The following CNTLN variants were observed in gnomAD, a reference collection of about 807,000 sequenced individuals.
CNTLN encodes centlein, centrosomal protein.
Under a neutral mutation model 180.0 loss-of-function variants are expected in CNTLN, and 212 were observed. The observed-to-expected ratio is 1.18, with a 90% CI of 1.05 to 1.32. The LOEUF (loss-of-function observed/expected upper bound fraction) is 1.32. Among genes scored for constraint, CNTLN ranks in the 40% most tolerant of loss-of-function variants. The pLI is 0.00. For synonymous variants in CNTLN, 722 were observed against 563.1 expected (o/e 1.28, Z -3.99); for missense variants, 2,095 against 1,610.9 (o/e 1.30, Z -5.14).
chr9:17,300,321 G>A (rs1283813488), intron 7 of CNTLN: 1 of 152,070 alleles, frequency 6.6e-6, no homozygotes, highest in Non-Finnish European at 1.5e-5. Flanking sequence ...ATAGGCTGAT[G>A]ATTCCCAAAT....
intron 12 of CNTLN, among the ~76,000 whole-genome samples, chr9:17,359,717 T>TAAAAAAAAAA (rs1456379699): frequency 0.023 from 304 of 13,430 alleles, 36 homozygotes; most frequent in South Asian, 0.034. Context: ...CCGTCTATAC[T>TAAAAAAAAAA]AAAAATACAA....
intron 10 of CNTLN, 126 bp from the exon 11 acceptor site, chr9:17,340,701 A>G: frequency 1.5e-6 from 1 of 672,222 alleles, no homozygotes; most frequent in Admixed American, 4.0e-5. Flanking sequence ...TACATATTAC[A>G]GATTCATTTA....
chr9:17,169,672 T>C (rs114858798), intron 2 of CNTLN, among the ~76,000 whole-genome samples: 2,038 of 152,320 alleles, frequency 0.013, 47 homozygotes, highest in African/African-American at 0.047. Flanking sequence ...TTGCACATTG[T>C]GTATTCTTGG....
intron 5 of CNTLN, among the ~76,000 whole-genome samples, chr9:17,268,545 G>C (rs762477537): frequency 9.9e-5 from 15 of 152,280 alleles, no homozygotes; most frequent in Non-Finnish European, 1.6e-4. Context: ...CGTGCTGCGA[G>C]AACCACTACT....
intron 2 of CNTLN, among the ~76,000 whole-genome samples, chr9:17,176,118 G>A (rs896492768): frequency 7.9e-5 from 12 of 151,646 alleles, no homozygotes; most frequent in African/African-American, 2.9e-4. Context: ...TTATTGTGTT[G>A]GCTATATTTT....
rs1230929733 is a variant in CNTLN at position 17,137,293 on chromosome 9, A to C, written c.360+1868A>C. Among the ~76,000 whole-genome samples, 23 of 152,206 alleles carry C rather than the reference A, an allele frequency of 1.5e-4. 1 individual carries two copies. The highest frequency in any genetic ancestry group is 1.5e-3 in the Admixed American group (23 of 15,264). ...TCCCGCACCATAAAAATCTTAGTCA[A>C]ATCAGACTCCTGCTCTTCGGGAATC... On this transcript the variant is annotated intron_variant, in intron 1 of 25. Coordinates refer to ENST00000380647, the MANE Select transcript of CNTLN (RefSeq NM_017738.4).
intron 8 of CNTLN, among the ~76,000 whole-genome samples, chr9:17,321,353 GT>G (rs1396053169): frequency 6.6e-6 from 1 of 152,058 alleles, no homozygotes; most frequent in Non-Finnish European, 1.5e-5. Flanking sequence ...AAACTTAATT[GT>G]TTTCCTTGTG....
intron 12 of CNTLN, among the ~76,000 whole-genome samples, chr9:17,342,828 A>G (rs190217505): frequency 7.9e-5 from 12 of 152,324 alleles, no homozygotes; most frequent in African/African-American, 2.6e-4. Context: ...GCAATGCAGA[A>G]TGCCTGAGCT....
intron 1 of CNTLN, among the ~76,000 whole-genome samples, chr9:17,137,023 G>A (rs1174475553): frequency 6.6e-6 from 1 of 152,064 alleles, no homozygotes. Context: ...TTTTATGACC[G>A]ACTTGGTTAA....
chr9:17,353,634 C>G (rs188798264), intron 12 of CNTLN, among the ~76,000 whole-genome samples: 471 of 146,806 alleles, frequency 3.2e-3, no homozygotes, highest in Admixed American at 7.5e-3. Flanking sequence ...GGGTCTTGCT[C>G]TGTTGCCCAG....
At chr9:17,474,154 A>G (rs899407223) in intron 23 of CNTLN, among the ~76,000 whole-genome samples, 1 of 152,096 alleles carries the variant, frequency 6.6e-6, no homozygotes, top group Non-Finnish European at 1.5e-5. Flanking sequence ...ACTCCCTAAT[A>G]TATATCTGTT....
chr9:17,190,275 C>A (rs1316347822), intron 2 of CNTLN, among the ~76,000 whole-genome samples: 1 of 151,396 alleles, frequency 6.6e-6, no homozygotes, highest in African/African-American at 2.4e-5. Flanking sequence ...GTACAGTTTT[C>A]AAGGTTTTTT....
intron 2 of CNTLN, among the ~76,000 whole-genome samples, chr9:17,148,846 G>A (rs772321183): frequency 2.0e-5 from 3 of 152,050 alleles, no homozygotes; most frequent in Non-Finnish European, 4.4e-5. Flanking sequence ...TATACTTTAA[G>A]TTCTGGGTTA....
intron 6 of CNTLN, among the ~76,000 whole-genome samples, 194 bp from the exon 7 acceptor site, chr9:17,297,996 C>T (rs1427180198): frequency 6.6e-6 from 1 of 151,984 alleles, no homozygotes; most frequent in South Asian, 2.1e-4. Flanking sequence ...AAGTCATAGT[C>T]GTTGTATCAA....
At chr9:17,329,288 A>T (rs1040263311) in intron 8 of CNTLN, among the ~76,000 whole-genome samples, 1 of 152,104 alleles carries the variant, frequency 6.6e-6, no homozygotes, top group South Asian at 2.1e-4. Flanking sequence ...AGCCCAACCA[A>T]AGGAAATATT....
At chr9:17,153,570 T>C (rs1005406374) in intron 2 of CNTLN, among the ~76,000 whole-genome samples, 1 of 152,224 alleles carries the variant, frequency 6.6e-6, no homozygotes, top group Non-Finnish European at 1.5e-5. Flanking sequence ...ACCCAATCTT[T>C]CTTACTGCCC....
chr9:17,261,027 G>T (rs1055165413), intron 5 of CNTLN, among the ~76,000 whole-genome samples: 3 of 151,272 alleles, frequency 2.0e-5, no homozygotes, highest in Non-Finnish European at 2.9e-5. Context: ...TGTTCCATTG[G>T]TCTCTGTGTC....
intron 2 of CNTLN, among the ~76,000 whole-genome samples, chr9:17,214,476 C>G (rs1413237696): frequency 2.0e-5 from 3 of 152,186 alleles, no homozygotes; most frequent in Non-Finnish European, 4.4e-5. Context: ...TTCTCTCTGG[C>G]TGCCCTTAAT....
chr9:17,308,870 A>G (rs1818924389), intron 7 of CNTLN, among the ~76,000 whole-genome samples, 188 bp from the exon 8 acceptor site: 1 of 120,084 alleles, frequency 8.3e-6, no homozygotes, highest in African/African-American at 3.0e-5. Context: ...AATATTAAAC[A>G]TATTATTATA....
Sources: gnomAD v4.1 joint callset for allele counts (sites outside exome capture counted in the v4.1 genomes callset) on GRCh38, gnomAD v4.1.1 for gene constraint, MANE v1.5 for transcripts, NCBI Gene and HGNC (gene_info 2026-07-23, HGNC 2026-07-21) for gene names.